C19orf44: variants seen among roughly 807,000 people sequenced by gnomAD.
C19orf44 encodes the protein uncharacterized protein C19orf44.
Under a neutral mutation model 50.7 loss-of-function variants are expected in C19orf44, and 43 were observed. That is an observed-to-expected ratio of 0.85 (90% CI 0.66 to 1.09). The LOEUF is 1.09. Ranked by LOEUF, C19orf44 falls within the 50% of genes least tolerant of loss-of-function variation. C19orf44 has a pLI of 0.00. For synonymous variants in C19orf44, 298 were observed against 334.7 expected (o/e 0.89, Z 1.20); for missense variants, 722 against 836.2 (o/e 0.86, Z 1.68).
At chr19:16,502,211 A>G (rs1171904210) in intron 2 of C19orf44, among the ~76,000 whole-genome samples, 2 of 133,980 alleles carry the variant, frequency 1.5e-5, no homozygotes, top group Non-Finnish European at 3.2e-5. Context: ...TGCGTGGCCT[A>G]TTTGTGGAAT....
intron 5 of C19orf44, among the ~76,000 whole-genome samples, chr19:16,512,614 C>T (rs990831100): frequency 1.3e-5 from 2 of 151,956 alleles, no homozygotes; most frequent in Non-Finnish European, 2.9e-5. Flanking sequence ...GTGGCTTACA[C>T]CTCAGCACTT....
intron 6 of C19orf44, 121 bp from the exon 7 acceptor site, chr19:16,514,376 C>T (rs1167715538): frequency 1.9e-6 from 2 of 1,070,260 alleles, no homozygotes; most frequent in Non-Finnish European, 2.6e-6. Context: ...AGAGCGAGAC[C>T]CTGTCTCCAG....
chr19:16,501,035 G>A lies in C19orf44; in HGVS notation c.243G>A (p.Pro81=), dbSNP rs1356599123. The change falls in exon 2 of 9, where the codon CCG becomes CCA. Residue 81 remains proline, a synonymous_variant. Transcript: ENST00000221671. ...GSGPRLASCR[P]PTTASRIRAN... ...GACCCAGGCTTGCCTCATGTAGACC[G>A]CCCACCACTGCCTCCAGGATCCGAG... is the stretch of plus-strand genomic sequence containing the variant. 8.1e-6 allele frequency: 13 copies of A among 1,614,026 alleles called. No homozygotes were observed. The highest frequency in any genetic ancestry group is 6.7e-5 in the Admixed American group (4 of 59,970).
Position 16,500,932 on chromosome 19 carries a change from A to G in C19orf44, c.140A>G (p.His47Arg), listed in dbSNP as rs779619968. 3.7e-6 allele frequency: 6 copies of G among 1,613,794 alleles called. No homozygotes were observed. Among genetic ancestry groups the G allele is most frequent in the East Asian group, 2.2e-5 (1 of 44,896 alleles). Reference sequence around the variant, plus strand: ...AATCTTACCAAAATAGCACCTGGTCATAGCAGATTTCTAAAAAGAAACCAA... The same window carrying G: ...AATCTTACCAAAATAGCACCTGGTCGTAGCAGATTTCTAAAAAGAAACCAA... Reference protein sequence around the residue: ...SRNLTKIAPGHSRFLKRNQTL... With the variant: ...SRNLTKIAPGRSRFLKRNQTL... Residue 47 changes from histidine to arginine, a missense_variant, in exon 2 of 9, where the codon CAT (histidine) becomes CGT (arginine). Coordinates refer to ENST00000221671, the MANE Select transcript of C19orf44 (RefSeq NM_032207.4).
chr19:16,498,815 C>T (rs1310856571), intron 1 of C19orf44, among the ~76,000 whole-genome samples: 2 of 151,896 alleles, frequency 1.3e-5, no homozygotes, highest in African/African-American at 2.4e-5. Flanking sequence ...GGACTACAGG[C>T]GCCCACCACC....
At position 16,501,026 on chromosome 19, in the gene C19orf44, A is replaced by C. The variant is rs766573299; in HGVS notation, c.234A>C (p.Ser78=). ...TCGGGAGTGGACCCAGGCTTGCCTC[A>C]TGTAGACCGCCCACCACTGCCTCCA... The part of the protein sequence containing the change: ...PVLGSGPRLA[S]CRPPTTASRI... The change falls in exon 2 of 9, where the codon TCA becomes TCC. Residue 78 remains serine, a synonymous_variant. Transcript: ENST00000221671. 6.2e-7 allele frequency: 1 copy of C among 1,614,118 alleles called. No individual in the cohort carries two copies.
chr19:16,519,300 G>A lies in C19orf44; in HGVS notation c.*41-794G>A. 6.2e-7 allele frequency: 1 copy of A among 1,613,916 alleles called. No individual in the cohort carries two copies. Among genetic ancestry groups the A allele is most frequent in the Non-Finnish European group, 8.5e-7 (1 of 1,180,012 alleles). On this transcript the variant is annotated intron_variant, in intron 8 of 8. Coordinates refer to ENST00000221671, the MANE Select transcript of C19orf44 (RefSeq NM_032207.4). The surrounding 1 kb of genome is among the most constrained non-coding windows in gnomAD (Gnocchi z 6.0). The stretch of plus-strand genomic sequence containing the variant: ...TATCCCGGACGTCCCCGCCCTTGAT[G>A]GGGTCCTGGATCCCTTGCTCCTTCG...
At chr19:16,501,792 T>C (rs2093426312) in intron 2 of C19orf44, among the ~76,000 whole-genome samples, 1 of 151,896 alleles carries the variant, frequency 6.6e-6, no homozygotes, top group African/African-American at 2.4e-5. Flanking sequence ...GGTTTCTCCA[T>C]GTTGGTCAGG....
Position 16,501,455 on chromosome 19 carries a change from G to C in C19orf44, c.663G>C (p.Leu221Phe), listed in dbSNP as rs1380753846. The C allele has an allele frequency of 6.2e-7, 1 of 1,613,408 alleles. No homozygotes were observed. The highest frequency in any genetic ancestry group is 2.2e-5 in the East Asian group (1 of 44,880). Residue 221 changes from leucine (L) to phenylalanine (F), a missense_variant, in exon 2 of 9, where the codon TTG (leucine) becomes TTC (phenylalanine). Leu to Phe is a conservative substitution (Grantham distance 22, BLOSUM62 0). Coordinates refer to ENST00000221671, the MANE Select transcript of C19orf44 (RefSeq NM_032207.4). The stretch of plus-strand genomic sequence containing the variant: ...GTGACGAAGAAGAAATGAAAGTATT[G>C]CTAGGAAGCTTGATGGACTCTTCTA... ...PDSDEEEMKVLLGSLMDSSRE... is the reference protein window; with the variant it reads ...PDSDEEEMKVFLGSLMDSSRE...
intron 5 of C19orf44, among the ~76,000 whole-genome samples, chr19:16,511,421 C>A (rs1318427167): frequency 2.0e-5 from 3 of 152,088 alleles, no homozygotes; most frequent in African/African-American, 7.2e-5. Flanking sequence ...CTCAAGTGAT[C>A]CTTCCACCTG....
At chr19:16,515,288 G>A (rs966018441) in intron 7 of C19orf44, among the ~76,000 whole-genome samples, 1 of 152,172 alleles carries the variant, frequency 6.6e-6, no homozygotes, top group African/African-American at 2.4e-5. Flanking sequence ...TTGAACCTGG[G>A]AGGTGGAGGT....
At chr19:16,509,321 C>A (rs970273580) in intron 4 of C19orf44, among the ~76,000 whole-genome samples, 178 bp from the exon 5 acceptor site, 1 of 152,130 alleles carries the variant, frequency 6.6e-6, no homozygotes, top group Non-Finnish European at 1.5e-5. Context: ...GTGGACATGC[C>A]GTACTGAAGA....
chr19:16,515,075 T>G (rs533224485), intron 7 of C19orf44, among the ~76,000 whole-genome samples: 5 of 152,274 alleles, frequency 3.3e-5, no homozygotes, highest in South Asian at 2.1e-4. Context: ...CTAAGAATTT[T>G]TATCTGATTA....
intron 1 of C19orf44, among the ~76,000 whole-genome samples, chr19:16,498,619 AT>A (rs2093416327): frequency 6.7e-6 from 1 of 149,846 alleles, no homozygotes; most frequent in Admixed American, 6.7e-5. Context: ...TGTTACGTGT[AT>A]TTTTGATTAT....
At chr19:16,513,552 T>C (rs1280398728) in intron 6 of C19orf44, among the ~76,000 whole-genome samples, 1 of 151,928 alleles carries the variant, frequency 6.6e-6, no homozygotes, top group Admixed American at 6.6e-5. Flanking sequence ...CCCGGCTAAT[T>C]TTTGTATTTT....
chr19:16,507,036 G>GC (rs903071144), intron 4 of C19orf44, among the ~76,000 whole-genome samples: 1 of 152,114 alleles, frequency 6.6e-6, no homozygotes, highest in Non-Finnish European at 1.5e-5. Flanking sequence ...TTTCAAATCT[G>GC]CCCCCCAGGG....
chr19:16,520,837 C>A lies in C19orf44; in HGVS notation c.*784C>A. On this transcript the variant is annotated 3_prime_UTR_variant, in exon 9 of 9. Coordinates refer to ENST00000221671, the MANE Select transcript of C19orf44 (RefSeq NM_032207.4). The surrounding 1 kb of genome is among the most constrained non-coding windows in gnomAD (Gnocchi z 4.0). The stretch of plus-strand genomic sequence containing the variant: ...ATCTGCGCTTTTACCTGTTCCTCTT[C>A]TCCTGGCCTTTCCTCCGCCGGGCCC... 6.2e-7 allele frequency: 1 copy of A among 1,613,812 alleles called. No individual in the cohort carries two copies. The highest frequency in any genetic ancestry group is 8.5e-7 in the Non-Finnish European group (1 of 1,180,008).
chr19:16,512,526 A>G (rs2098757504), intron 5 of C19orf44, among the ~76,000 whole-genome samples: 1 of 152,016 alleles, frequency 6.6e-6, no homozygotes, highest in Non-Finnish European at 1.5e-5. Context: ...AAGAAAACCT[A>G]GCAGAAAAAT....
chr19:16,501,913 T>TC (rs1354260569), intron 2 of C19orf44, among the ~76,000 whole-genome samples: 1 of 71,324 alleles, frequency 1.4e-5, no homozygotes, highest in Admixed American at 1.3e-4. Flanking sequence ...CTTTTTTGTA[T>TC]TTTTTTTTTT....
Sources: allele counts gnomAD v4.1 joint callset (sites outside exome capture counted in the v4.1 genomes callset), GRCh38; gene constraint gnomAD v4.1.1; non-coding constraint Gnocchi (gnomAD v3.1); transcripts MANE v1.5; gene names NCBI Gene and HGNC (gene_info 2026-07-23, HGNC 2026-07-21).